Variants in NALF1 observed in about 807,000 individuals in gnomAD.
The protein encoded by NALF1 is NALCN channel auxiliary factor 1, also known as family with sequence similarity 155 member A.
A neutral mutation model predicts 48.4 loss-of-function variants in NALF1; 3 were observed. The observed-to-expected ratio is 0.06, with a 90% confidence interval of 0.03 to 0.16. The LOEUF (loss-of-function observed/expected upper bound fraction) is 0.16. NALF1 is among the 10% of genes least tolerant of loss of function. The probability of loss-of-function intolerance (pLI) is 1.00; values close to 1 mark genes in which losing one functional copy is unlikely to be tolerated. For synonymous variants in NALF1, 262 were observed against 245.7 expected (o/e 1.07, Z -0.62); for missense variants, 526 against 571.5 (o/e 0.92, Z 0.81).
intron 1 of NALF1, among the ~76,000 whole-genome samples, chr13:107,456,561 T>C (rs559327037): frequency 6.6e-6 from 1 of 152,320 alleles, no homozygotes; most frequent in African/African-American, 2.4e-5. Flanking sequence ...CTTAGTATAC[T>C]AATGGAGAAA....
At chr13:107,395,311 G>T (rs756206160) in intron 1 of NALF1, among the ~76,000 whole-genome samples, 2 of 151,966 alleles carry the variant, frequency 1.3e-5, no homozygotes, top group Non-Finnish European at 2.9e-5. Flanking sequence ...TGTTCACTAG[G>T]TCAGCCCTGG....
chr13:107,612,833 AT>A (rs1416938050), intron 1 of NALF1, among the ~76,000 whole-genome samples: 3 of 152,204 alleles, frequency 2.0e-5, no homozygotes, highest in Non-Finnish European at 2.9e-5. Flanking sequence ...CACGAGACAT[AT>A]TTTAAAAATA....
At chr13:107,797,875 C>A (rs567423873) in intron 1 of NALF1, among the ~76,000 whole-genome samples, 10 of 151,978 alleles carry the variant, frequency 6.6e-5, no homozygotes, top group African/African-American at 2.4e-4. Flanking sequence ...CTATTCTTGA[C>A]CTAAGAATAC....
At chr13:107,528,938 G>T (rs1214565478) in intron 1 of NALF1, among the ~76,000 whole-genome samples, 1 of 152,098 alleles carries the variant, frequency 6.6e-6, no homozygotes, top group Non-Finnish European at 1.5e-5. Context: ...TTTCTATCAT[G>T]AACTGTTAGG....
chr13:107,739,167 G>A (rs575818244), intron 1 of NALF1, among the ~76,000 whole-genome samples: 2 of 152,062 alleles, frequency 1.3e-5, no homozygotes, highest in East Asian at 3.9e-4. Flanking sequence ...CAGGCGGTCA[G>A]GGGTAAGGGG....
intron 1 of NALF1, among the ~76,000 whole-genome samples, chr13:107,229,010 G>A (rs1037062317): frequency 6.6e-6 from 1 of 151,980 alleles, no homozygotes; most frequent in East Asian, 1.9e-4. Context: ...TCGTAAAACC[G>A]ATTATCCTCT....
At chr13:107,329,758 T>C (rs9559009) in intron 1 of NALF1, among the ~76,000 whole-genome samples, 17,158 of 151,618 alleles carry the variant, frequency 0.11, 1,072 homozygotes, top group East Asian at 0.21. Context: ...ATGCGGTGTT[T>C]GGCTTTTGTC....
rs183357521 is a variant in NALF1 at position 107,644,178 on chromosome 13, A to G, written c.915+221504T>C. Among the ~76,000 whole-genome samples, 51 of 152,212 alleles carry G rather than the reference A, an allele frequency of 3.4e-4. 1 individual carries two copies. The highest frequency in any genetic ancestry group is 2.6e-3 in the Admixed American group (40 of 15,280). ...ACTCATCTCAAGAATATCTCTTTAA[A>G]AATACATGTAACATTTTAATACAGA... On this transcript the variant is annotated intron_variant, in intron 1 of 2. Transcript: ENST00000375915.
intron 1 of NALF1, among the ~76,000 whole-genome samples, chr13:107,811,300 T>C (rs908137739): frequency 6.6e-6 from 1 of 152,192 alleles, no homozygotes; most frequent in East Asian, 1.9e-4. Flanking sequence ...ATTTCTCTTT[T>C]GTCCACTTAA....
intron 1 of NALF1, among the ~76,000 whole-genome samples, chr13:107,832,486 T>C (rs1879767581): frequency 6.6e-6 from 1 of 152,096 alleles, no homozygotes; most frequent in Non-Finnish European, 1.5e-5. Context: ...CTAACCCCAG[T>C]TGGATCCCAC....
At chr13:107,241,051 T>TAAAAAA (rs34271681) in intron 1 of NALF1, among the ~76,000 whole-genome samples, 5 of 66,380 alleles carry the variant, frequency 7.5e-5, no homozygotes, top group Non-Finnish European at 1.1e-4. Flanking sequence ...CCATATCTAC[T>TAAAAAA]AAAAAAAAAA....
At chr13:107,840,804 GGT>G (rs1374259766) in intron 1 of NALF1, among the ~76,000 whole-genome samples, 15 of 151,974 alleles carry the variant, frequency 9.9e-5, no homozygotes, top group African/African-American at 3.4e-4. Flanking sequence ...AACACACCCT[GGT>G]CTTTCTAGTC....
At chr13:107,419,373 T>C (rs1884146226) in intron 1 of NALF1, among the ~76,000 whole-genome samples, 1 of 152,242 alleles carries the variant, frequency 6.6e-6, no homozygotes, top group African/African-American at 2.4e-5. Context: ...GTTTTCTGCA[T>C]ATAGGCCATG....
chr13:107,210,768 G>T lies in NALF1; in HGVS notation c.916-13C>A. 1 of 1,601,646 alleles carries T rather than the reference G, an allele frequency of 6.2e-7. No homozygotes were observed. Among genetic ancestry groups the T allele is most frequent in the Non-Finnish European group, 8.6e-7 (1 of 1,168,984 alleles). On this transcript the variant is annotated splice_polypyrimidine_tract_variant and intron_variant, in intron 1 of 2. Transcript: ENST00000375915. Reference sequence around the variant, plus strand: ...CTTTGTAGACAATCTGAAAAAAAGAGAAGAATGAAAAATATAGAGGCGTGA... The same window carrying T: ...CTTTGTAGACAATCTGAAAAAAAGATAAGAATGAAAAATATAGAGGCGTGA...
At chr13:107,836,518 T>G (rs556918485) in intron 1 of NALF1, among the ~76,000 whole-genome samples, 98 of 152,132 alleles carry the variant, frequency 6.4e-4, no homozygotes, top group Non-Finnish European at 1.3e-3. Flanking sequence ...AAAAATGGAT[T>G]AGCCCTTCTG....
At chr13:107,788,078 A>C (rs1209694244) in intron 1 of NALF1, among the ~76,000 whole-genome samples, 1 of 152,160 alleles carries the variant, frequency 6.6e-6, no homozygotes, top group Admixed American at 6.5e-5. Context: ...CATTTGGGTC[A>C]GTCTGTACTC....
At chr13:107,730,723 A>C (rs1163498683) in intron 1 of NALF1, among the ~76,000 whole-genome samples, 1 of 152,228 alleles carries the variant, frequency 6.6e-6, no homozygotes, top group East Asian at 1.9e-4. Flanking sequence ...TTATGACTGC[A>C]TGGACTTAGG....
chr13:107,491,120 A>C lies in NALF1; in HGVS notation c.916-280365T>G, dbSNP rs557054416. 5.4e-4 allele frequency among the ~76,000 whole-genome samples: 82 copies of C among 152,272 alleles called. 1 individual carries two copies. In the Middle Eastern group the frequency reaches 0.01, roughly 19 times the overall value. On this transcript the variant is annotated intron_variant, in intron 1 of 2. Coordinates refer to ENST00000375915, the MANE Select transcript of NALF1 (RefSeq NM_001080396.3). ...GAAAACATGAAATTGTGGCAGACAAAACATCCTGAGTTGATTCCTGGCACA... is the reference window on the plus strand; with the variant it reads ...GAAAACATGAAATTGTGGCAGACAACACATCCTGAGTTGATTCCTGGCACA...
chr13:107,592,663 G>T (rs1878630892), intron 1 of NALF1, among the ~76,000 whole-genome samples: 1 of 151,800 alleles, frequency 6.6e-6, no homozygotes, highest in East Asian at 1.9e-4. Flanking sequence ...ATATGAAATT[G>T]AAACTCTATA....
Sources: gnomAD v4.1 joint callset for allele counts (sites outside exome capture counted in the v4.1 genomes callset) on GRCh38, gnomAD v4.1.1 for gene constraint, MANE v1.5 for transcripts, NCBI Gene and HGNC (gene_info 2026-07-23, HGNC 2026-07-21) for gene names.